ARHGAP31: variants seen among roughly 807,000 people sequenced by gnomAD.
ARHGAP31 encodes the protein Rho GTPase activating protein 31.
Under a neutral mutation model 113.9 loss-of-function variants are expected in ARHGAP31, and 34 were observed. The ratio of observed to expected loss-of-function variants is 0.30; its 90% confidence interval spans 0.23 to 0.40. ARHGAP31 has a LOEUF of 0.40. ARHGAP31 is among the 10% of genes least tolerant of loss of function. The pLI, the probability that ARHGAP31 is intolerant of heterozygous loss-of-function variation, is 1.00. For synonymous variants in ARHGAP31, 650 were observed against 684.8 expected (o/e 0.95, Z 0.79); for missense variants, 1,548 against 1,767.1 (o/e 0.88, Z 2.22).
chr3:119,380,369 CATTT>C (rs576872682), intron 3 of ARHGAP31, among the ~76,000 whole-genome samples: 141 of 151,330 alleles, frequency 9.3e-4, no homozygotes, highest in African/African-American at 3.2e-3. Flanking sequence ...GTATCTGTCT[CATTT>C]ATTTATTTAC....
At position 119,415,040 on chromosome 3, in the gene ARHGAP31, C is replaced by A. The variant is rs1258041557; in HGVS notation, c.3111C>A (p.Pro1037=). ...GVQPNPAETS[P]ISLAEGKELG... is the part of the protein sequence containing the mutation. ...AACCCAACCCAGCAGAAACCAGCCC[C>A]ATCAGCCTAGCAGAGGGAAAGGAGC... The change falls in exon 12 of 12, where the codon CCC becomes CCA. Residue 1037 remains proline, a synonymous_variant. Coordinates refer to ENST00000264245, the MANE Select transcript of ARHGAP31 (RefSeq NM_020754.4). 44 of 1,614,172 alleles carry A rather than the reference C, an allele frequency of 2.7e-5. No individual in the cohort carries two copies. The highest frequency in any genetic ancestry group is 3.7e-5 in the Non-Finnish European group (44 of 1,180,030).
At chr3:119,412,644 T>C (rs1004272863) in intron 11 of ARHGAP31, among the ~76,000 whole-genome samples, 3 of 152,182 alleles carry the variant, frequency 2.0e-5, no homozygotes, top group Non-Finnish European at 4.4e-5. Context: ...GGAGTAAGGA[T>C]GTATGATTTT....
Position 119,380,825 on chromosome 3 carries a change from C to T in ARHGAP31, c.349-79C>T, listed in dbSNP as rs1161634085. The T allele has an allele frequency of 5.7e-6, 7 of 1,238,762 alleles. No individual in the cohort carries two copies. The East Asian group carries it at 1.6e-4, about 29-fold the overall frequency. The allele number at this position is 1,238,762 out of a possible 1,614,324, so 76.7% of individuals were successfully genotyped here. A position where few individuals can be genotyped will look rare whatever the true frequency, so the allele number is the denominator to read the frequency against. On this transcript the variant is annotated intron_variant, in intron 3 of 11. Coordinates refer to ENST00000264245, the MANE Select transcript of ARHGAP31 (RefSeq NM_020754.4). ...TGGTTGTGAGGCTGGAGTATGAGGGCTTGAGTGATCCCAGCACATGCAGAT... is the reference window on the plus strand; with the variant it reads ...TGGTTGTGAGGCTGGAGTATGAGGGTTTGAGTGATCCCAGCACATGCAGAT...
intron 1 of ARHGAP31, among the ~76,000 whole-genome samples, chr3:119,298,321 C>A (rs2079551112): frequency 6.6e-6 from 1 of 152,148 alleles, no homozygotes; most frequent in African/African-American, 2.4e-5. Flanking sequence ...TTTTTCTTTT[C>A]TTGACCACTG....
intron 2 of ARHGAP31, among the ~76,000 whole-genome samples, chr3:119,366,931 G>A (rs745375257): frequency 2.6e-5 from 4 of 151,886 alleles, no homozygotes; most frequent in African/African-American, 7.3e-5. Flanking sequence ...ATGAAACTCC[G>A]TCTCTACTAA....
At chr3:119,321,701 T>C (rs945072295) in intron 1 of ARHGAP31, among the ~76,000 whole-genome samples, 5 of 152,140 alleles carry the variant, frequency 3.3e-5, no homozygotes, top group Non-Finnish European at 5.9e-5. Context: ...CAGGCCAGAG[T>C]GCAGTGTCAC....
chr3:119,414,946 C>T lies in ARHGAP31; in HGVS notation c.3017C>T (p.Ser1006Phe), dbSNP rs2080759382. Reference protein sequence around the residue: ...ITGWDEKALRSFREFSGLKGA... With the variant: ...ITGWDEKALRFFREFSGLKGA... Reference sequence around the variant, plus strand: ...GGATGGGATGAGAAAGCCCTGAGGTCCTTCAGAGAGTTCTCTGGCCTGAAA... The same window carrying T: ...GGATGGGATGAGAAAGCCCTGAGGTTCTTCAGAGAGTTCTCTGGCCTGAAA... Residue 1006 changes from serine (S) to phenylalanine (F), a missense_variant, in exon 12 of 12, where the codon TCC becomes TTC. Coordinates refer to ENST00000264245, the MANE Select transcript of ARHGAP31 (RefSeq NM_020754.4). 6.2e-7 allele frequency: 1 copy of T among 1,614,088 alleles called. No homozygotes were observed. The highest frequency in any genetic ancestry group is 8.5e-7 in the Non-Finnish European group (1 of 1,180,042).
chr3:119,332,420 G>T (rs1162343398), intron 1 of ARHGAP31, among the ~76,000 whole-genome samples: 1 of 151,880 alleles, frequency 6.6e-6, no homozygotes, highest in Admixed American at 6.6e-5. Flanking sequence ...GGCTGGTCTT[G>T]AACTCCTGAC....
Position 119,382,359 on chromosome 3 carries a change from G to A in ARHGAP31, c.499G>A (p.Ala167Thr), listed in dbSNP as rs139733647. ...CTTCAGCAGCAAGACCAACATGCACGCCCGGAACCTGGCCCTGGTGTGGGC... is the reference window on the plus strand; with the variant it reads ...CTTCAGCAGCAAGACCAACATGCACACCCGGAACCTGGCCCTGGTGTGGGC... ...ASFSSKTNMH[A>T]RNLALVWAPN... The change falls in exon 5 of 12, where the codon GCC (alanine) becomes ACC (threonine). Residue 167 changes from alanine to threonine, a missense_variant. Ala to Thr is a moderately conservative substitution (Grantham distance 58, BLOSUM62 0). Coordinates refer to ENST00000264245, the MANE Select transcript of ARHGAP31 (RefSeq NM_020754.4). 1.2e-4 allele frequency: 189 copies of A among 1,614,108 alleles called. No homozygotes were observed. The African/African-American group carries it at 1.6e-3, about 14-fold the overall frequency.
At chr3:119,410,486 G>T (rs2080706127) in intron 11 of ARHGAP31, among the ~76,000 whole-genome samples, 1 of 152,184 alleles carries the variant, frequency 6.6e-6, no homozygotes, top group Non-Finnish European at 1.5e-5. Flanking sequence ...GTGCACAAAA[G>T]AACCATGTGC....
chr3:119,411,664 G>A (rs920100860), intron 11 of ARHGAP31, among the ~76,000 whole-genome samples: 1 of 152,206 alleles, frequency 6.6e-6, no homozygotes, highest in African/African-American at 2.4e-5. Context: ...CCGCTCCGAA[G>A]GAGGGCACAG....
chr3:119,399,017 T>C (rs2080576149), intron 8 of ARHGAP31, among the ~76,000 whole-genome samples, 182 bp from the exon 9 acceptor site: 1 of 152,240 alleles, frequency 6.6e-6, no homozygotes, highest in Non-Finnish European at 1.5e-5. Flanking sequence ...TTATTAGGTC[T>C]GTCGCATTAA....
At chr3:119,372,147 T>C (rs1433376697) in intron 3 of ARHGAP31, among the ~76,000 whole-genome samples, 1 of 152,194 alleles carries the variant, frequency 6.6e-6, no homozygotes, top group African/African-American at 2.4e-5. Flanking sequence ...CTGGGTCGAA[T>C]AATAGTTCTG....
rs529770262 is a variant in ARHGAP31 at position 119,365,292 on chromosome 3, G to GT, written c.101-17dup. On this transcript the variant is annotated intron_variant, in intron 1 of 11. Transcript: ENST00000264245. Reference sequence around the variant, plus strand: ...GCAGACTTACATCTAATACTTAATTGTTTTTTTCTTTTCTTTTACATAGTT... The same window carrying GT: ...GCAGACTTACATCTAATACTTAATTGTTTTTTTTCTTTTCTTTTACATAGTT... 116 of 1,593,576 alleles carry GT rather than the reference G, an allele frequency of 7.3e-5. No individual in the cohort carries two copies. The African/African-American group carries it at 1.3e-3, about 18-fold the overall frequency.
intron 1 of ARHGAP31, among the ~76,000 whole-genome samples, chr3:119,325,670 G>C (rs906054592): frequency 2.0e-5 from 3 of 152,026 alleles, no homozygotes; most frequent in African/African-American, 4.8e-5. Context: ...GGGGGGAAGG[G>C]GGGGACGGAA....
chr3:119,354,963 G>T (rs930089711), intron 1 of ARHGAP31, among the ~76,000 whole-genome samples: 17 of 151,976 alleles, frequency 1.1e-4, no homozygotes, highest in African/African-American at 4.1e-4. Context: ...ACCTGTAGTG[G>T]TAGGATTTCA....
At chr3:119,336,916 C>T (rs765532125) in intron 1 of ARHGAP31, among the ~76,000 whole-genome samples, 1 of 152,196 alleles carries the variant, frequency 6.6e-6, no homozygotes, top group South Asian at 2.1e-4. Flanking sequence ...AATCATCTGG[C>T]TTTTTGTTTC....
intron 1 of ARHGAP31, among the ~76,000 whole-genome samples, chr3:119,364,070 G>A (rs922396923): frequency 6.6e-6 from 1 of 152,070 alleles, no homozygotes; most frequent in African/African-American, 2.4e-5. Context: ...CACTGAGCTG[G>A]CTGGTTCTCT....
intron 1 of ARHGAP31, among the ~76,000 whole-genome samples, chr3:119,350,824 AAAAC>A (rs892887307): frequency 3.9e-5 from 6 of 152,192 alleles, no homozygotes; most frequent in African/African-American, 1.2e-4. Context: ...AAACAAAAAC[AAAAC>A]AAACAAACAA....
Sources: gnomAD v4.1 joint callset for allele counts (sites outside exome capture counted in the v4.1 genomes callset) on GRCh38, gnomAD v4.1.1 for gene constraint, MANE v1.5 for transcripts, NCBI Gene and HGNC (gene_info 2026-07-23, HGNC 2026-07-21) for gene names.